RBM25: variants seen among roughly 807,000 people sequenced by gnomAD.
RBM25 encodes RNA binding motif protein 25.
In RBM25, 19 loss-of-function variants were observed where a neutral mutation model predicts 120.7. The observed-to-expected ratio is 0.16, with a 90% CI of 0.11 to 0.23. RBM25 has a LOEUF of 0.23. RBM25 is among the 10% of genes least tolerant of loss of function. The probability of loss-of-function intolerance (pLI) is 1.00; values close to 1 mark genes in which losing one functional copy is unlikely to be tolerated. For synonymous variants in RBM25, 390 were observed against 326.7 expected (o/e 1.19, Z -2.09); for missense variants, 605 against 1,041.5 (o/e 0.58, Z 5.77).
chr14:73,062,813 A>G (rs1895034795), intron 1 of RBM25, among the ~76,000 whole-genome samples: 2 of 151,022 alleles, frequency 1.3e-5, no homozygotes, highest in Non-Finnish European at 3.0e-5. Context: ...CCCTTCTATC[A>G]TAGGTTTCTG....
intron 10 of RBM25, 113 bp downstream of exon 10, chr14:73,103,591 A>C (rs950699957): frequency 3.6e-5 from 51 of 1,417,864 alleles, no homozygotes; most frequent in Admixed American, 1.4e-4. Context: ...TGTGTGAGAC[A>C]TTCTCACTCT....
At chr14:73,091,628 T>C (rs1401550547) in intron 6 of RBM25, among the ~76,000 whole-genome samples, 4 of 152,026 alleles carry the variant, frequency 2.6e-5, no homozygotes, top group Non-Finnish European at 5.9e-5. Flanking sequence ...TCCCAACACT[T>C]TGGGAGGCCG....
At chr14:73,097,201 T>C (rs202024700) in intron 7 of RBM25, 101 bp downstream of exon 7, 2,746 of 190,732 alleles carry the variant, frequency 0.014, 333 homozygotes, top group African/African-American at 0.051. Context: ...CTTTTCTTTT[T>C]TTTTTTTTTT....
At chr14:73,090,842 A>G (rs1226374907) in intron 6 of RBM25, among the ~76,000 whole-genome samples, 1 of 152,194 alleles carries the variant, frequency 6.6e-6, no homozygotes, top group African/African-American at 2.4e-5. Flanking sequence ...TTGTTAATAG[A>G]CGCTTATCTG....
chr14:73,111,106 A>G lies in RBM25; in HGVS notation c.1968A>G (p.Gln656=), dbSNP rs1896301902. Residue 656 remains glutamine (Q), a synonymous_variant, in exon 15 of 19, where the codon CAA becomes CAG. Transcript: ENST00000261973. ...IIIPHENSPD[Q]QQPEEHRPKI... ...TTCCTCATGAAAACTCACCAGATCAACAGCAACCTGAGGAGCATAGGCCAA... is the reference window on the plus strand; with the variant it reads ...TTCCTCATGAAAACTCACCAGATCAGCAGCAACCTGAGGAGCATAGGCCAA... The G allele has an allele frequency of 1.9e-6, 3 of 1,614,202 alleles. No homozygotes were observed. Among genetic ancestry groups the G allele is most frequent in the African/African-American group, 1.3e-5 (1 of 75,054 alleles).
intron 4 of RBM25, among the ~76,000 whole-genome samples, chr14:73,082,819 T>A (rs1335027386): frequency 6.6e-6 from 1 of 151,624 alleles, no homozygotes; most frequent in Non-Finnish European, 1.5e-5. Context: ...CCCAGCACTT[T>A]GGGAGGCTGA....
rs45620338 is a variant in RBM25 at position 73,120,731 on chromosome 14, C to A, written c.*926C>A. On this transcript the variant is annotated 3_prime_UTR_variant, in exon 19 of 19. Coordinates refer to ENST00000261973, the MANE Select transcript of RBM25 (RefSeq NM_021239.3). The stretch of plus-strand genomic sequence containing the variant: ...TCTGTTTATTTAACAAAAAATTCAT[C>A]ATACCAAAAAGTGTAAGTGAAAACC... 2 of 152,130 alleles carry A rather than the reference C, an allele frequency of 1.3e-5. No homozygotes were observed. The highest frequency in any genetic ancestry group is 2.9e-5 in the Non-Finnish European group (2 of 67,958). 9.4% of individuals were successfully genotyped at this position (152,130 alleles called of 1,614,324 possible).
At chr14:73,085,144 G>A (rs187101569) in intron 5 of RBM25, among the ~76,000 whole-genome samples, 50 of 151,896 alleles carry the variant, frequency 3.3e-4, no homozygotes, top group African/African-American at 1.1e-3. Context: ...TCAGCCTCCC[G>A]AGTAGCTAGG....
At chr14:73,101,907 C>T (rs1421585383) in intron 9 of RBM25, 1 of 152,310 alleles carries the variant, frequency 6.6e-6, no homozygotes, top group Admixed American at 6.5e-5. Flanking sequence ...CTCTTTCTAT[C>T]ATATCTTATT....
At chr14:73,070,929 G>A (rs1594898906) in intron 1 of RBM25, among the ~76,000 whole-genome samples, 3 of 144,852 alleles carry the variant, frequency 2.1e-5, no homozygotes, top group Non-Finnish European at 3.0e-5. Context: ...CCTGGCGATA[G>A]AGCGAGACTC....
At chr14:73,085,575 G>A (rs572495525) in intron 5 of RBM25, among the ~76,000 whole-genome samples, 1 of 151,910 alleles carries the variant, frequency 6.6e-6, no homozygotes, top group South Asian at 2.1e-4. Context: ...CTCCTGAGTA[G>A]CCAGGATTAC....
chr14:73,074,537 C>T (rs1347561550), intron 2 of RBM25, among the ~76,000 whole-genome samples: 1 of 152,090 alleles, frequency 6.6e-6, no homozygotes, highest in African/African-American at 2.4e-5. Flanking sequence ...AGTTCAAGAT[C>T]AGCCTGGACA....
Position 73,119,969 on chromosome 14 carries a change from C to T in RBM25, c.*164C>T, listed in dbSNP as rs183925880. On this transcript the variant is annotated 3_prime_UTR_variant, in exon 19 of 19. Coordinates refer to ENST00000261973, the MANE Select transcript of RBM25 (RefSeq NM_021239.3). The stretch of plus-strand genomic sequence containing the variant: ...CTAATTTGTTGTTGCCCTGTGTACT[C>T]CCTTGGTTGTAAAGTCATCTGAATC... The T allele has an allele frequency of 7.8e-6, 8 of 1,032,112 alleles. No individual in the cohort carries two copies. In the Admixed American group the frequency reaches 1.1e-4, roughly 14 times the overall value. 63.9% of individuals were successfully genotyped at this position (1,032,112 alleles called of 1,614,324 possible).
At chr14:73,065,854 C>T (rs915811042) in intron 1 of RBM25, among the ~76,000 whole-genome samples, 4 of 150,472 alleles carry the variant, frequency 2.7e-5, no homozygotes, top group East Asian at 1.9e-4. Context: ...CGCCCCTGAC[C>T]GAGAGTTTTA....
chr14:73,064,819 T>G (rs923726995), intron 1 of RBM25, among the ~76,000 whole-genome samples: 1 of 151,376 alleles, frequency 6.6e-6, no homozygotes, highest in Non-Finnish European at 1.5e-5. Flanking sequence ...GAATATGTTA[T>G]GGAAAAATTT....
At position 73,099,451 on chromosome 14, in the gene RBM25, G is replaced by C; in HGVS notation, c.783+18G>C. On this transcript the variant is annotated intron_variant, in intron 8 of 18. Coordinates refer to ENST00000261973, the MANE Select transcript of RBM25 (RefSeq NM_021239.3). ...TCACTAAGGTTAGTTTAAATTGTAG[G>C]CTTTGACAATACCTGTGTTTACTGC... The C allele has an allele frequency of 6.2e-7, 1 of 1,607,130 alleles. No homozygotes were observed. Among genetic ancestry groups the C allele is most frequent in the Non-Finnish European group, 8.5e-7 (1 of 1,176,614 alleles).
In RBM25 at chr14:73,111,660, A is replaced by G; in HGVS notation, c.2150A>G (p.Tyr717Cys). 1 of 1,614,168 alleles carries G rather than the reference A, an allele frequency of 6.2e-7. No homozygotes were observed. The highest frequency in any genetic ancestry group is 8.5e-7 in the Non-Finnish European group (1 of 1,180,028). Reference protein sequence around the residue: ...PRKRKLVPLDYGEDDKNATKG... With the variant: ...PRKRKLVPLDCGEDDKNATKG... ...AAAAGGAAACTGGTTCCCTTGGATT[A>G]TGGTGAAGATGATAAAAATGCAACC... The change falls in exon 16 of 19, where the codon TAT (tyrosine) becomes TGT (cysteine). Residue 717 changes from tyrosine (Y) to cysteine (C), a missense_variant. Around this residue, in one of 4 missense-constraint regions of RBM25, gnomAD observed 465 missense variants for 741.6 expected, o/e 0.63. Coordinates refer to ENST00000261973, the MANE Select transcript of RBM25 (RefSeq NM_021239.3).
At chr14:73,083,471 G>GT in intron 4 of RBM25, 23 bp from the exon 5 acceptor site, 3 of 1,543,086 alleles carry the variant, frequency 1.9e-6, no homozygotes, top group Non-Finnish European at 2.6e-6. Context: ...GTAGCAATCT[G>GT]TTTGTTTTGT....
At chr14:73,065,600 A>G (rs765167700) in intron 1 of RBM25, among the ~76,000 whole-genome samples, 5 of 151,324 alleles carry the variant, frequency 3.3e-5, no homozygotes, top group East Asian at 3.9e-4. Context: ...AACTTTTTGT[A>G]TTAGATACGG....
Sources: gnomAD v4.1 joint callset for allele counts (sites outside exome capture counted in the v4.1 genomes callset) on GRCh38, gnomAD v4.1.1 for gene constraint, gnomAD v4.1.1 regional missense constraint, MANE v1.5 for transcripts, NCBI Gene and HGNC (gene_info 2026-07-23, HGNC 2026-07-21) for gene names.